Variants in KLHL32 observed in about 807,000 individuals in gnomAD.
The protein encoded by KLHL32 is kelch like family member 32.
A neutral mutation model predicts 64.8 loss-of-function variants in KLHL32; 35 were observed. The observed-to-expected ratio is 0.54, with a 90% CI of 0.41 to 0.72. The LOEUF is 0.72. KLHL32 is among the 30% of genes least tolerant of loss of function. The probability of loss-of-function intolerance (pLI) is 0.00; values close to 1 mark genes in which losing one functional copy is unlikely to be tolerated. For synonymous variants in KLHL32, 259 were observed against 281.0 expected (o/e 0.92, Z 0.78); for missense variants, 589 against 768.5 (o/e 0.77, Z 2.76).
At chr6:96,993,162 C>T (rs1778075501) in intron 3 of KLHL32, among the ~76,000 whole-genome samples, 1 of 152,236 alleles carries the variant, frequency 6.6e-6, no homozygotes. Context: ...TTTCCTTATA[C>T]TCAGTATTTT....
intron 3 of KLHL32, among the ~76,000 whole-genome samples, chr6:96,985,813 T>C (rs1776968866): frequency 6.6e-6 from 1 of 152,134 alleles, no homozygotes; most frequent in South Asian, 2.1e-4. Context: ...TTGCCATGGG[T>C]ACGAACTTCC....
chr6:97,008,485 C>T (rs758367358), intron 3 of KLHL32, among the ~76,000 whole-genome samples: 30 of 152,206 alleles, frequency 2.0e-4, no homozygotes, highest in East Asian at 3.9e-4. Flanking sequence ...CCTAGAGGAG[C>T]GTAGGTGTCC....
chr6:96,930,212 T>A (rs1769684869), intron 1 of KLHL32, among the ~76,000 whole-genome samples: 1 of 152,204 alleles, frequency 6.6e-6, no homozygotes, highest in East Asian at 1.9e-4. Context: ...CATTTTGCAA[T>A]TTTTTATGAC....
At position 96,983,942 on chromosome 6, in the gene KLHL32, T is replaced by C. The variant is rs1390469777; in HGVS notation, c.204+7765T>C. ...GCTAGCTTTTGAATGTGTTTGCTCT[T>C]GCTTCTCTAGTTCTTTTAATGGTGA... On this transcript the variant is annotated intron_variant, in intron 3 of 10. Coordinates refer to ENST00000369261, the MANE Select transcript of KLHL32 (RefSeq NM_052904.4). 9.2e-5 allele frequency among the ~76,000 whole-genome samples: 14 copies of C among 152,306 alleles called. No homozygotes were observed. The East Asian group carries it at 2.5e-3, about 27-fold the overall frequency.
intron 6 of KLHL32, among the ~76,000 whole-genome samples, chr6:97,086,408 C>T (rs1793418397): frequency 6.6e-6 from 1 of 152,054 alleles, no homozygotes; most frequent in Non-Finnish European, 1.5e-5. Context: ...TTATTGCTTC[C>T]ACCAGAGGGA....
At chr6:97,031,386 A>T (rs756264152) in intron 3 of KLHL32, among the ~76,000 whole-genome samples, 1 of 151,486 alleles carries the variant, frequency 6.6e-6, no homozygotes, top group African/African-American at 2.4e-5. Context: ...CCCAAGCTGG[A>T]GTGCAGTGGT....
intron 1 of KLHL32, among the ~76,000 whole-genome samples, chr6:96,959,324 G>C (rs1773633318): frequency 6.6e-6 from 1 of 152,170 alleles, no homozygotes; most frequent in Non-Finnish European, 1.5e-5. Context: ...GCATGGAAGA[G>C]ACTGGCAAAG....
At chr6:97,112,832 A>ATATTCTTTAT in intron 6 of KLHL32, among the ~76,000 whole-genome samples, 1 of 149,810 alleles carries the variant, frequency 6.7e-6, no homozygotes, top group African/African-American at 2.4e-5. Flanking sequence ...AAATGAAACA[A>ATATTCTTTAT]TATTCTTTAT....
At chr6:97,048,998 T>G (rs539866539) in intron 4 of KLHL32, among the ~76,000 whole-genome samples, 1 of 152,324 alleles carries the variant, frequency 6.6e-6, no homozygotes, top group East Asian at 1.9e-4. Flanking sequence ...CTGAGGCACC[T>G]CCACTGTGCC....
At chr6:97,045,631 A>T (rs1039166177) in intron 4 of KLHL32, among the ~76,000 whole-genome samples, 1 of 152,254 alleles carries the variant, frequency 6.6e-6, no homozygotes, top group African/African-American at 2.4e-5. Flanking sequence ...AGGCTGAGTT[A>T]AAATACACAT....
chr6:97,120,325 C>T (rs982314506), intron 7 of KLHL32, among the ~76,000 whole-genome samples: 1 of 152,000 alleles, frequency 6.6e-6, no homozygotes, highest in South Asian at 2.1e-4. Context: ...ACAGGTCTGT[C>T]GAGATTGTGC....
At chr6:96,956,844 A>G (rs578110326) in intron 1 of KLHL32, among the ~76,000 whole-genome samples, 6 of 152,348 alleles carry the variant, frequency 3.9e-5, no homozygotes, top group African/African-American at 1.4e-4. Context: ...CCCCAGTTCT[A>G]ATGTTTCTTG....
At chr6:96,976,997 GAC>G (rs1775774655) in intron 3 of KLHL32, among the ~76,000 whole-genome samples, 2 of 152,206 alleles carry the variant, frequency 1.3e-5, no homozygotes, top group Non-Finnish European at 2.9e-5. Context: ...GGCTAATGAA[GAC>G]ACATCTTGTT....
chr6:97,086,531 A>T (rs1159065633), intron 6 of KLHL32, among the ~76,000 whole-genome samples: 1 of 152,204 alleles, frequency 6.6e-6, no homozygotes, highest in Non-Finnish European at 1.5e-5. Context: ...GATGAACAAA[A>T]TGAGGCTTCT....
chr6:96,988,134 A>T (rs537809633), intron 3 of KLHL32, among the ~76,000 whole-genome samples: 1 of 152,348 alleles, frequency 6.6e-6, no homozygotes, highest in Admixed American at 6.5e-5. Flanking sequence ...GCTTCTGCAC[A>T]GCAAAAGAAA....
At chr6:97,010,764 AT>A (rs1780305683) in intron 3 of KLHL32, among the ~76,000 whole-genome samples, 1 of 152,252 alleles carries the variant, frequency 6.6e-6, no homozygotes, top group African/African-American at 2.4e-5. Flanking sequence ...ACTTTTGAAT[AT>A]AAAAAAGTAC....
chr6:96,993,619 T>G (rs6939476), intron 3 of KLHL32, among the ~76,000 whole-genome samples: 37,327 of 152,094 alleles, frequency 0.25, 5,916 homozygotes, highest in East Asian at 0.53. Flanking sequence ...TGTTGCACCC[T>G]TCTCCTGTCA....
chr6:97,076,604 A>T (rs1359013259), intron 5 of KLHL32, among the ~76,000 whole-genome samples: 1 of 152,182 alleles, frequency 6.6e-6, no homozygotes, highest in Non-Finnish European at 1.5e-5. Flanking sequence ...AGTGAAGGAG[A>T]CAGGGAAACT....
rs1386616601 is a variant in KLHL32 at position 96,975,984 on chromosome 6, C to T, written c.24-13C>T. The T allele has an allele frequency of 6.6e-7, 1 of 1,508,832 alleles. No homozygotes were observed. The highest frequency in any genetic ancestry group is 8.9e-7 in the Non-Finnish European group (1 of 1,120,370). 93.5% of individuals were successfully genotyped at this position (1,508,832 alleles called of 1,614,324 possible). A position where few individuals can be genotyped will look rare whatever the true frequency, so the allele number is the denominator to read the frequency against. The stretch of plus-strand genomic sequence containing the variant: ...AAAAGGAAAAATGTTGACTTGATTG[C>T]TCTCCTTTGTAGTATTCAAGAAATG... On this transcript the variant is annotated splice_polypyrimidine_tract_variant and intron_variant, in intron 2 of 10. Transcript: ENST00000369261.
Sources: gnomAD v4.1 joint callset for allele counts (sites outside exome capture counted in the v4.1 genomes callset) on GRCh38, gnomAD v4.1.1 for gene constraint, MANE v1.5 for transcripts, NCBI Gene and HGNC (gene_info 2026-07-23, HGNC 2026-07-21) for gene names.